Variants in INTS1 observed in about 807,000 individuals in gnomAD.
The protein encoded by INTS1 is integrator complex subunit 1.
Under a neutral mutation model 241.6 loss-of-function variants are expected in INTS1, and 137 were observed. That is an observed-to-expected ratio of 0.57 (90% CI 0.49 to 0.65). The LOEUF is 0.65. Ranked by LOEUF, INTS1 falls within the 30% of genes least tolerant of loss-of-function variation. The pLI, the probability that INTS1 is intolerant of heterozygous loss-of-function variation, is 0.00. For missense variants in INTS1, 3,073 were observed against 3,032.2 expected (o/e 1.01, Z -0.32); for synonymous variants, 1,692 against 1,337.8 (o/e 1.26, Z -5.78).
intron 14 of INTS1, among the ~76,000 whole-genome samples, chr7:1,494,211 G>A (rs998533708): frequency 1.1e-4 from 16 of 152,352 alleles, no homozygotes; most frequent in Admixed American, 9.8e-4. Context: ...ACCCCACAGA[G>A]GCCTCTAGAT....
chr7:1,482,671 C>A lies in INTS1; in HGVS notation c.3578G>T (p.Trp1193Leu). Residue 1193 changes from tryptophan (W) to leucine (L), a missense_variant, in exon 27 of 48, where the codon TGG (tryptophan) becomes TTG (leucine). Transcript: ENST00000404767. ...DSEFQALLDI[W>L]FPEEKPLPTA... ...GGGCAGTGGCTTCTCCTCCGGAAAC[C>A]AGATGTCCAGCAGCGCCTGGAACTC... is the stretch of plus-strand genomic sequence containing the variant. The A allele has an allele frequency of 6.2e-7, 1 of 1,612,790 alleles. No individual in the cohort carries two copies. The highest frequency in any genetic ancestry group is 8.5e-7 in the Non-Finnish European group (1 of 1,179,870).
chr7:1,476,771 G>T (rs778820296), intron 36 of INTS1, 23 bp downstream of exon 36: 3 of 1,612,534 alleles, frequency 1.9e-6, no homozygotes, highest in Non-Finnish European at 2.5e-6. Context: ...CGCAGCCCAG[G>T]TTGGGGACAG....
intron 19 of INTS1, 30 bp downstream of exon 19, chr7:1,487,730 G>A: frequency 6.2e-7 from 1 of 1,601,688 alleles, no homozygotes; most frequent in Non-Finnish European, 8.5e-7. Flanking sequence ...CCGACGGCAG[G>A]CGCAGGGCGG....
At position 1,493,626 on chromosome 7, in the gene INTS1, C is replaced by A. The variant is rs974954622; in HGVS notation, c.2068+128G>T. 4 of 1,282,634 alleles carry A rather than the reference C, an allele frequency of 3.1e-6. No homozygotes were observed. The highest frequency in any genetic ancestry group is 4.2e-6 in the Non-Finnish European group (4 of 962,964). The allele number at this position is 1,282,634 out of a possible 1,614,324, so 79.5% of individuals were successfully genotyped here. On this transcript the variant is annotated intron_variant, in intron 15 of 47. Transcript: ENST00000404767. The surrounding 1 kb of genome is among the most constrained non-coding windows in gnomAD (Gnocchi z 5.3). ...GGAGAAGGCAGGTCCCCGAGCCTCCCGGGGACCCAGGACCCAGCTGAAGCG... is the reference window on the plus strand; with the variant it reads ...GGAGAAGGCAGGTCCCCGAGCCTCCAGGGGACCCAGGACCCAGCTGAAGCG...
Position 1,487,959 on chromosome 7 carries a change from T to TCC in INTS1, c.2319-3_2319-2insGG. ...GTGCACGGTGGGTAGGAGTAGTTGC[T>TCC]AGGGCCAGACGGGGGAGCGTGTCAC... On this transcript the variant is annotated splice_region_variant and splice_polypyrimidine_tract_variant and intron_variant, in intron 18 of 47. Transcript: ENST00000404767. 1 of 1,612,934 alleles carries TCC rather than the reference T, an allele frequency of 6.2e-7. No individual in the cohort carries two copies. Among genetic ancestry groups the TCC allele is most frequent in the Admixed American group, 1.7e-5 (1 of 60,016 alleles).
At chr7:1,501,616 A>T (rs1245541552) in intron 3 of INTS1, among the ~76,000 whole-genome samples, 1 of 152,216 alleles carries the variant, frequency 6.6e-6, no homozygotes, top group Non-Finnish European at 1.5e-5. Context: ...CTAAAGATAA[A>T]TAAAGCACCG....
rs1037302641 is a variant in INTS1 at position 1,477,510 on chromosome 7, C to G, written c.4938+40G>C. ...ACTTCAGGTCAGGAAGAGCCTTTAC[C>G]CTGGGGTGGGTCCCCGTGCTGAAGC... On this transcript the variant is annotated intron_variant, in intron 35 of 47. Coordinates refer to ENST00000404767, the MANE Select transcript of INTS1 (RefSeq NM_001080453.3). 16 of 1,472,254 alleles carry G rather than the reference C, an allele frequency of 1.1e-5. No homozygotes were observed. The African/African-American group carries it at 1.8e-4, about 17-fold the overall frequency. The allele number at this position is 1,472,254 out of a possible 1,614,324, so 91.2% of individuals were successfully genotyped here.
chr7:1,474,732 G>A lies in INTS1; in HGVS notation c.5609C>T (p.Ala1870Val), dbSNP rs751928685. The A allele has an allele frequency of 2.0e-5, 31 of 1,561,664 alleles. 1 individual carries two copies. The highest frequency in any genetic ancestry group is 4.7e-5 in the South Asian group (4 of 84,694). Residue 1870 changes from alanine (A) to valine (V), a missense_variant, in exon 40 of 48, where the codon GCG (alanine) becomes GTG (valine). By Grantham distance (64) the Ala-to-Val change is moderately conservative. Transcript: ENST00000404767. ...GAGCAGCAGCAGCGGGTGCGCCACCGCCAGCTTCCGGCAGGCCATGCTGGC... is the reference window on the plus strand; with the variant it reads ...GAGCAGCAGCAGCGGGTGCGCCACCACCAGCTTCCGGCAGGCCATGCTGGC... ...ADASMACRKL[A>V]VAHPLLLLRH... is the part of the protein sequence containing the mutation.
chr7:1,479,772 T>G, intron 30 of INTS1, 88 bp from the exon 31 acceptor site: 1 of 1,343,898 alleles, frequency 7.4e-7, no homozygotes, highest in Non-Finnish European at 9.8e-7. Context: ...TGCAGCTCCG[T>G]GCCAGAACCG....
At chr7:1,474,034 C>T (rs1781595168) in intron 41 of INTS1, 134 bp downstream of exon 41, 5 of 1,054,012 alleles carry the variant, frequency 4.7e-6, no homozygotes, top group Admixed American at 2.9e-5. Context: ...GGGAGCTGGT[C>T]CCCAGGGCAG....
chr7:1,470,486 A>G lies in INTS1; in HGVS notation c.*91T>C, dbSNP rs1303380631. ...TCGGCGCCCTCACCTCCTCGGACAG[A>G]CCAGCAACGCCCACGCTTCCTGGGC... On this transcript the variant is annotated 3_prime_UTR_variant, in exon 48 of 48. Transcript: ENST00000404767. 4.9e-6 allele frequency: 5 copies of G among 1,028,142 alleles called. No individual in the cohort carries two copies. The East Asian group carries it at 1.3e-4, about 27-fold the overall frequency. 63.7% of individuals were successfully genotyped at this position (1,028,142 alleles called of 1,614,324 possible). A position where few individuals can be genotyped will look rare whatever the true frequency, so the allele number is the denominator to read the frequency against.
chr7:1,487,617 C>G, intron 19 of INTS1, 143 bp downstream of exon 19: 1 of 1,277,408 alleles, frequency 7.8e-7, no homozygotes. Flanking sequence ...AAGCCAGGGA[C>G]GCGGGGACGG....
At position 1,481,484 on chromosome 7, in the gene INTS1, C is replaced by T; in HGVS notation, c.3708G>A (p.Leu1236=). The T allele has an allele frequency of 6.2e-7, 1 of 1,608,794 alleles. No individual in the cohort carries two copies. Residue 1236 remains leucine (L), a synonymous_variant, in exon 28 of 48, where the codon CTG becomes CTA. Transcript: ENST00000404767. This position sits in a 1 kb window ranked among gnomAD's most constrained non-coding sequence, Gnocchi z 6.8. ...SEVLRLVDAA[L]QDLEPQQLLL... Reference sequence around the variant, plus strand: ...GCAGCTGCTGCGGCTCCAGGTCCTGCAGGGCTGAGGGTGCACGCGCTCCGT... The same window carrying T: ...GCAGCTGCTGCGGCTCCAGGTCCTGTAGGGCTGAGGGTGCACGCGCTCCGT...
In INTS1 at chr7:1,499,107, G is replaced by A; in HGVS notation, c.1005C>T (p.Asp335=). The change falls in exon 8 of 48, where the codon GAC becomes GAT. Residue 335 remains aspartate, a synonymous_variant. Coordinates refer to ENST00000404767, the MANE Select transcript of INTS1 (RefSeq NM_001080453.3). ...CGATGGGCTGGCGCCGGTTCAGCTG[G>A]TCCCGCAGCATGTCCAGGACATACT... ...VEEYVLDMLR[D]QLNRRQPIDN... is the part of the protein sequence containing the mutation. 2 of 1,611,342 alleles carry A rather than the reference G, an allele frequency of 1.2e-6. No individual in the cohort carries two copies. Among genetic ancestry groups the A allele is most frequent in the Non-Finnish European group, 1.7e-6 (2 of 1,179,610 alleles).
At position 1,484,083 on chromosome 7, in the gene INTS1, G is replaced by A. The variant is rs1297816359; in HGVS notation, c.3349C>T (p.Leu1117=). The change falls in exon 25 of 48, where the codon CTG becomes TTG. Residue 1117 remains leucine (L), a synonymous_variant. Transcript: ENST00000404767. ...GAGAAGATGGACAACAGAGCGCTCA[G>A]CACGGCGTCCGACGCGGCACTCGGG... The part of the protein sequence containing the change: ...LSPSAASDAV[L]SALLSIFSRY... The A allele has an allele frequency of 6.2e-7, 1 of 1,612,576 alleles. No homozygotes were observed. The highest frequency in any genetic ancestry group is 8.5e-7 in the Non-Finnish European group (1 of 1,179,778).
chr7:1,503,315 C>T (rs1303574301), intron 2 of INTS1, 124 bp from the exon 3 acceptor site: 1 of 1,026,290 alleles, frequency 9.7e-7, no homozygotes, highest in Non-Finnish European at 1.4e-6. Context: ...AGGAAGAAGC[C>T]AGAGCTCACT....
At chr7:1,483,955 C>T in intron 25 of INTS1, 48 bp downstream of exon 25, 2 of 1,589,026 alleles carry the variant, frequency 1.3e-6, no homozygotes, top group South Asian at 1.1e-5. Flanking sequence ...CCTCACCCAG[C>T]CGTAGACCTC....
In INTS1 at chr7:1,493,225, G is replaced by A. The variant is rs951023949; in HGVS notation, c.2069-119C>T. ...GTGGGGTGGGGGATGCCGCAGGGTG[G>A]GGCGCAGGCCTGAGCAGGAGAGCTG... On this transcript the variant is annotated intron_variant, in intron 15 of 47. Coordinates refer to ENST00000404767, the MANE Select transcript of INTS1 (RefSeq NM_001080453.3). The surrounding 1 kb of genome is among the most constrained non-coding windows in gnomAD (Gnocchi z 5.3). 4.5e-4 allele frequency: 326 copies of A among 725,610 alleles called. 1 individual carries two copies. The highest frequency in any genetic ancestry group is 7.1e-4 in the Non-Finnish European group (296 of 419,066). 44.9% of individuals were successfully genotyped at this position (725,610 alleles called of 1,614,324 possible).
rs552773064 is a variant in INTS1, at chr7:1,494,040, G to A, written c.1911-129C>T. On this transcript the variant is annotated intron_variant, in intron 14 of 47. Coordinates refer to ENST00000404767, the MANE Select transcript of INTS1 (RefSeq NM_001080453.3). ...GCAGAGGGCTGCTGCTGCCTCCCAC[G>A]AGCCTATCCCCTCCAACCTGAGCCT... 218 of 1,180,048 alleles carry A rather than the reference G, an allele frequency of 1.8e-4. 2 individuals carry two copies. The South Asian group carries it at 3.0e-3, about 16-fold the overall frequency. The allele number at this position is 1,180,048 out of a possible 1,614,324, so 73.1% of individuals were successfully genotyped here. A position where few individuals can be genotyped will look rare whatever the true frequency, so the allele number is the denominator to read the frequency against.
Sources: gnomAD v4.1 joint callset for allele counts (sites outside exome capture counted in the v4.1 genomes callset) on GRCh38, gnomAD v4.1.1 for gene constraint, Gnocchi (gnomAD v3.1) non-coding constraint, MANE v1.5 for transcripts, NCBI Gene and HGNC (gene_info 2026-07-23, HGNC 2026-07-21) for gene names.